STK32B: variants seen among roughly 807,000 people sequenced by gnomAD.
The protein encoded by STK32B is serine/threonine kinase 32B.
Under a neutral mutation model 52.6 loss-of-function variants are expected in STK32B, and 43 were observed. That is an observed-to-expected ratio of 0.82 (90% CI 0.64 to 1.05). STK32B has a LOEUF of 1.05. Among genes scored for constraint, STK32B ranks in the 50% least tolerant of loss-of-function variants. The pLI is 0.00. For synonymous variants in STK32B, 238 were observed against 204.3 expected (o/e 1.17, Z -1.41); for missense variants, 621 against 534.6 (o/e 1.16, Z -1.59).
At chr4:5,256,232 G>T (rs1463610525) in intron 3 of STK32B, among the ~76,000 whole-genome samples, 1 of 152,158 alleles carries the variant, frequency 6.6e-6, no homozygotes, top group East Asian at 1.9e-4. Flanking sequence ...ACTTGCAGAT[G>T]TTTCATCTCA....
chr4:5,489,787 A>T lies in STK32B; in HGVS notation c.1107-9158A>T, dbSNP rs143698888. ...ACTTACGTGACATGAACTTTATAAA[A>T]TGGGTTAATTACTGTATATTTTATA... On this transcript the variant is annotated intron_variant, in intron 11 of 11. Transcript: ENST00000282908. Among the ~76,000 whole-genome samples the T allele has an allele frequency of 1.8e-4, 27 of 152,222 alleles. No individual in the cohort carries two copies. The East Asian group carries it at 5.2e-3, about 29-fold the overall frequency.
intron 4 of STK32B, among the ~76,000 whole-genome samples, chr4:5,371,690 C>T (rs770826074): frequency 6.6e-6 from 1 of 152,168 alleles, no homozygotes; most frequent in Non-Finnish European, 1.5e-5. Flanking sequence ...GGCTTGCATA[C>T]CACAGGGTCT....
intron 1 of STK32B, among the ~76,000 whole-genome samples, chr4:5,081,298 CTT>C (rs905278027): frequency 2.0e-5 from 3 of 149,350 alleles, no homozygotes; most frequent in African/African-American, 5.1e-5. Context: ...AAAATTATCT[CTT>C]TGTCTTTTAT....
intron 6 of STK32B, among the ~76,000 whole-genome samples, chr4:5,432,124 A>G (rs1214823017): frequency 2.0e-5 from 3 of 152,184 alleles, no homozygotes; most frequent in Admixed American, 6.5e-5. Flanking sequence ...TTGTCTCATT[A>G]TGGGGTAAGG....
At chr4:5,028,079 G>A in the STK32B span, among the ~76,000 whole-genome samples, 21 of 152,218 alleles carry the variant, frequency 1.4e-4, no homozygotes, top group Non-Finnish European at 2.8e-4. Flanking sequence ...AAATGAAAGA[G>A]TCTGACCAAT....
intron 3 of STK32B, among the ~76,000 whole-genome samples, chr4:5,285,546 A>T (rs1577293754): frequency 6.6e-6 from 1 of 152,166 alleles, no homozygotes; most frequent in African/African-American, 2.4e-5. Flanking sequence ...AGCAAAAGGA[A>T]TTTTTTAGGA....
chr4:5,249,496 T>TCCC, intron 3 of STK32B, among the ~76,000 whole-genome samples: 3 of 133,224 alleles, frequency 2.3e-5, no homozygotes, highest in Non-Finnish European at 4.7e-5. Flanking sequence ...CCTTCCTTCC[T>TCCC]TCCTTCCTCC....
In STK32B at chr4:5,460,132, G is replaced by A. The variant is rs1325028061; in HGVS notation, c.813G>A (p.Val271=). The change falls in exon 9 of 12, where the codon GTG becomes GTA. Residue 271 remains valine (V), a synonymous_variant. Transcript: ENST00000282908. This position sits in a 1 kb window ranked among gnomAD's most constrained non-coding sequence, Gnocchi z 4.8. The part of the protein sequence containing the change: ...KLLTKDPESR[V]SSLHDIQSVP... Reference sequence around the variant, plus strand: ...TGACCAAGGATCCTGAGAGCCGCGTGTCCAGCCTTCATGACATACAGAGCG... The same window carrying A: ...TGACCAAGGATCCTGAGAGCCGCGTATCCAGCCTTCATGACATACAGAGCG... The A allele has an allele frequency of 6.2e-7, 1 of 1,614,204 alleles. No individual in the cohort carries two copies. The highest frequency in any genetic ancestry group is 1.3e-5 in the African/African-American group (1 of 75,038).
intron 11 of STK32B, among the ~76,000 whole-genome samples, chr4:5,486,959 G>A (rs2108716500): frequency 6.6e-6 from 1 of 152,312 alleles, no homozygotes; most frequent in Middle Eastern, 3.4e-3. Context: ...ATAGCAGTGG[G>A]CAAAACCAGT....
At chr4:5,223,603 G>A (rs1203712280) in intron 3 of STK32B, among the ~76,000 whole-genome samples, 1 of 151,866 alleles carries the variant, frequency 6.6e-6, no homozygotes, top group African/African-American at 2.4e-5. Context: ...CACGAGGTCA[G>A]GAGATCGAGA....
At chr4:5,445,655 T>C (rs1299366226) in intron 6 of STK32B, among the ~76,000 whole-genome samples, 2 of 152,144 alleles carry the variant, frequency 1.3e-5, no homozygotes, top group African/African-American at 4.8e-5. Context: ...ATTTTTTCTA[T>C]TGAGGTGAAA....
chr4:5,051,725 C>G lies in STK32B; in HGVS notation c.-139C>G. ...ACGCCGTCCCCGCCCCTGCACGGTG[C>G]TCGGCCCCCTCGGGCTCCGCGCGCG... On this transcript the variant is annotated 5_prime_UTR_variant, in exon 1 of 12. Coordinates refer to ENST00000282908, the MANE Select transcript of STK32B (RefSeq NM_018401.3). 8.6e-7 allele frequency: 1 copy of G among 1,156,160 alleles called. No individual in the cohort carries two copies. The highest frequency in any genetic ancestry group is 1.2e-6 in the Non-Finnish European group (1 of 818,640). The allele number at this position is 1,156,160 out of a possible 1,614,324, so 71.6% of individuals were successfully genotyped here. A position where few individuals can be genotyped will look rare whatever the true frequency, so the allele number is the denominator to read the frequency against.
intron 3 of STK32B, among the ~76,000 whole-genome samples, chr4:5,256,123 C>G (rs944066898): frequency 6.6e-6 from 1 of 152,050 alleles, no homozygotes; most frequent in African/African-American, 2.4e-5. Flanking sequence ...CTCATCAGAC[C>G]TTCCCATCCA....
intron 3 of STK32B, among the ~76,000 whole-genome samples, chr4:5,173,638 T>G (rs541820396): frequency 9.8e-5 from 15 of 152,330 alleles, no homozygotes; most frequent in Middle Eastern, 3.4e-3. Flanking sequence ...TAATCCTGAG[T>G]TCTAGTTTGA....
intron 3 of STK32B, among the ~76,000 whole-genome samples, chr4:5,242,939 C>G: frequency 6.6e-6 from 1 of 152,266 alleles, no homozygotes; most frequent in East Asian, 1.9e-4. Flanking sequence ...TGATCTATAT[C>G]TCTGTTTTGG....
intron 4 of STK32B, among the ~76,000 whole-genome samples, chr4:5,370,649 G>A (rs1227918462): frequency 6.6e-6 from 1 of 151,974 alleles, no homozygotes; most frequent in East Asian, 1.9e-4. Context: ...CTGGCCATGG[G>A]ACCTCAAATG....
intron 3 of STK32B, among the ~76,000 whole-genome samples, chr4:5,296,055 T>G (rs79358642): frequency 6.6e-6 from 1 of 152,242 alleles, no homozygotes; most frequent in Non-Finnish European, 1.5e-5. Flanking sequence ...TTGTTCAGTT[T>G]CCATGTAGTC....
rs117870734 is a variant in STK32B, at chr4:5,168,060, A to C, written c.109-239A>C. 2.1e-3 allele frequency among the ~76,000 whole-genome samples: 326 copies of C among 152,232 alleles called. 6 individuals carry two copies. The East Asian group carries it at 0.052, about 24-fold the overall frequency. The stretch of plus-strand genomic sequence containing the variant: ...CTTCTGTGTTTGCATCTCCTCTTTC[A>C]ACACTTAGTACATGGCCAGTGCTCA... On this transcript the variant is annotated intron_variant, in intron 2 of 11. Coordinates refer to ENST00000282908, the MANE Select transcript of STK32B (RefSeq NM_018401.3).
intron 3 of STK32B, among the ~76,000 whole-genome samples, chr4:5,314,137 A>C (rs1730498186): frequency 1.3e-5 from 2 of 152,084 alleles, no homozygotes. Context: ...AAAATAAAGC[A>C]GGAGTCAGCC....
Sources: gnomAD v4.1 joint callset for allele counts (sites outside exome capture counted in the v4.1 genomes callset) on GRCh38, gnomAD v4.1.1 for gene constraint, Gnocchi (gnomAD v3.1) non-coding constraint, MANE v1.5 for transcripts, NCBI Gene and HGNC (gene_info 2026-07-23, HGNC 2026-07-21) for gene names.